The following RCC1L variants were observed in gnomAD, a reference collection of about 807,000 sequenced individuals.
The protein encoded by RCC1L is RCC1 like.
In RCC1L, 46 loss-of-function variants were observed where a neutral mutation model predicts 58.6. That is an observed-to-expected ratio of 0.79 (90% CI 0.62 to 1.00). The LOEUF (loss-of-function observed/expected upper bound fraction) is 1.00. RCC1L is among the 50% of genes least tolerant of loss of function. The pLI is 0.00. For missense variants in RCC1L, 636 were observed against 623.6 expected, an observed-to-expected ratio of 1.02 and a Z score of -0.21; for synonymous variants, 281 against 262.9, an observed-to-expected ratio of 1.07 and a Z score of -0.67.
chr7:75,043,026 GGAGGTTTAGAT>G lies in RCC1L; in HGVS notation c.1390_*5del. 1 of 1,614,044 alleles carries G rather than the reference GGAGGTTTAGAT, an allele frequency of 6.2e-7. No homozygotes were observed. Among genetic ancestry groups the G allele is most frequent in the Non-Finnish European group, 8.5e-7 (1 of 1,179,876 alleles). ...GGACGGGGCCGCCCAAGCAGGTGAG[GGAGGTTTAGAT>G]GAATGACTTGGCCAGGGTCACCATG... On this transcript the variant is annotated stop_lost and 3_prime_UTR_variant, in exon 11 of 11. Coordinates refer to ENST00000610322, the MANE Select transcript of RCC1L (RefSeq NM_030798.5).
downstream of RCC1L, among the ~76,000 whole-genome samples, chr7:75,040,307 A>T (rs1805524240): frequency 6.6e-6 from 1 of 152,164 alleles, no homozygotes; most frequent in Non-Finnish European, 1.5e-5. Flanking sequence ...TAAAAATACA[A>T]AAATTAGCCG....
chr7:75,050,588 G>A (rs909090944), intron 10 of RCC1L, among the ~76,000 whole-genome samples: 29 of 152,192 alleles, frequency 1.9e-4, no homozygotes, highest in African/African-American at 6.8e-4. Flanking sequence ...CCCTCAGAAG[G>A]AAGTCCTTTT....
rs1806331173 is a variant in RCC1L at position 75,063,202 on chromosome 7, C to T, written c.702+90G>A. On this transcript the variant is annotated intron_variant, in intron 5 of 10. Coordinates refer to ENST00000610322, the MANE Select transcript of RCC1L (RefSeq NM_030798.5). ...AAATAATTTAATTCAGAAAATCCCC[C>T]TAACAAATTTGCCATCACCCTACCC... 3.7e-6 allele frequency: 5 copies of T among 1,355,046 alleles called. No individual in the cohort carries two copies. In the Admixed American group the frequency reaches 6.7e-5, roughly 18 times the overall value. 83.9% of individuals were successfully genotyped at this position (1,355,046 alleles called of 1,614,324 possible).
chr7:75,052,953 G>C (rs1356096198), intron 9 of RCC1L, among the ~76,000 whole-genome samples, 157 bp from the exon 10 acceptor site: 1 of 151,714 alleles, frequency 6.6e-6, no homozygotes, highest in African/African-American at 2.4e-5. Context: ...GAAGGCAAAA[G>C]TAAGGGTCTG....
At chr7:75,040,721 C>G (rs1452144322), downstream of RCC1L, among the ~76,000 whole-genome samples, 7 of 152,176 alleles carry the variant, frequency 4.6e-5, no homozygotes, top group Middle Eastern at 3.4e-3. Flanking sequence ...AGACCCAGCC[C>G]CAGTAACGGT....
At chr7:75,065,547 T>G (rs1239788517) in intron 3 of RCC1L, among the ~76,000 whole-genome samples, 4 of 140,820 alleles carry the variant, frequency 2.8e-5, no homozygotes, top group Non-Finnish European at 6.2e-5. Flanking sequence ...AGAGCAAGAC[T>G]CCGTCTCAGA....
intron 5 of RCC1L, 34 bp from the exon 6 acceptor site, chr7:75,061,325 G>C: frequency 6.4e-7 from 1 of 1,571,540 alleles, no homozygotes; most frequent in South Asian, 1.1e-5. Context: ...GGGATGAGAG[G>C]AAATACTTAG....
chr7:75,040,819 C>T (rs1805537455), downstream of RCC1L, among the ~76,000 whole-genome samples: 1 of 152,142 alleles, frequency 6.6e-6, no homozygotes, highest in Non-Finnish European at 1.5e-5. Context: ...GAATGGGGTT[C>T]GCAGCCCAGG....
At chr7:75,048,402 C>T (rs906277466) in intron 10 of RCC1L, among the ~76,000 whole-genome samples, 173 of 152,300 alleles carry the variant, frequency 1.1e-3, no homozygotes, top group African/African-American at 3.9e-3. Context: ...GCAGGGCCCA[C>T]GGGGAGGGGA....
intron 6 of RCC1L, 106 bp from the exon 7 acceptor site, chr7:75,058,875 G>T: frequency 2.1e-6 from 3 of 1,420,374 alleles, no homozygotes; most frequent in Non-Finnish European, 2.9e-6. Context: ...ACAAGTATCA[G>T]CTCAGAAATC....
chr7:75,029,362 C>CTTT (rs1177516960), intron 10 of RCC1L, among the ~76,000 whole-genome samples: 4 of 126,194 alleles, frequency 3.2e-5, no homozygotes, highest in Admixed American at 1.6e-4. Context: ...ATGGGGGGAT[C>CTTT]TTTTTTTTTT....
chr7:75,051,415 CCTTT>C (rs1805911730), intron 10 of RCC1L, among the ~76,000 whole-genome samples: 1 of 150,106 alleles, frequency 6.7e-6, no homozygotes, highest in Middle Eastern at 3.2e-3. Context: ...TTTTGCAAGT[CCTTT>C]GTTTTTTTTT....
intron 10 of RCC1L, among the ~76,000 whole-genome samples, chr7:75,029,302 A>C (rs1805231138): frequency 6.6e-6 from 1 of 151,550 alleles, no homozygotes; most frequent in Admixed American, 6.6e-5. Flanking sequence ...GGCTTTTCCC[A>C]GCCCCAGCTA....
At chr7:75,072,147 T>C (rs1390238142) in intron 1 of RCC1L, among the ~76,000 whole-genome samples, 2 of 52,968 alleles carry the variant, frequency 3.8e-5, no homozygotes, top group Admixed American at 2.7e-4. Context: ...TTTATACATA[T>C]ACATATACAT....
intron 10 of RCC1L, among the ~76,000 whole-genome samples, chr7:75,043,519 C>T (rs1209480512): frequency 1.3e-5 from 2 of 152,210 alleles, no homozygotes; most frequent in African/African-American, 4.8e-5. Flanking sequence ...TCCATGCCCC[C>T]AGGCCAGGTG....
chr7:75,031,973 C>A (rs945072345), intron 10 of RCC1L, among the ~76,000 whole-genome samples: 13 of 152,342 alleles, frequency 8.5e-5, no homozygotes, highest in South Asian at 4.1e-4. Context: ...CGCCCAGCTT[C>A]CCCCAGAGCA....
rs980578193 is a variant in RCC1L, at chr7:75,036,850, C to G, written c.1318-8771G>C. On this transcript the variant is annotated intron_variant, in intron 10 of 10. Transcript: ENST00000614461. ...CCCAAAAGGCAGAGCTTGCAGTGAG[C>G]TGAGATCGCACCACTGCATTCCAGC... Among the ~76,000 whole-genome samples the G allele has an allele frequency of 1.3e-3, 194 of 152,202 alleles. 1 individual carries two copies. The highest frequency in any genetic ancestry group is 4.3e-3 in the African/African-American group (179 of 41,564).
intron 2 of RCC1L, among the ~76,000 whole-genome samples, chr7:75,068,085 C>T (rs139732045): frequency 3.2e-4 from 49 of 152,002 alleles, no homozygotes; most frequent in African/African-American, 1.1e-3. Flanking sequence ...TTTGGGAGGC[C>T]GAGGCAGGTG....
downstream of RCC1L, among the ~76,000 whole-genome samples, chr7:75,040,613 C>T (rs1162183997): frequency 1.3e-5 from 2 of 152,096 alleles, no homozygotes; most frequent in African/African-American, 4.8e-5. Flanking sequence ...GGTCTGACCT[C>T]CAGGGGCACT....
Sources: allele counts gnomAD v4.1 joint callset (sites outside exome capture counted in the v4.1 genomes callset), GRCh38; gene constraint gnomAD v4.1.1; transcripts MANE v1.5; gene names NCBI Gene and HGNC (gene_info 2026-07-23, HGNC 2026-07-21).